TASP1: variants seen among roughly 807,000 people sequenced by gnomAD.
The protein encoded by TASP1 is threonine aspartase 1.
In TASP1, 16 loss-of-function variants were observed where a neutral mutation model predicts 56.6. The observed-to-expected ratio is 0.28, with a 90% CI of 0.19 to 0.43. The LOEUF (loss-of-function observed/expected upper bound fraction) is 0.43. Among genes scored for constraint, TASP1 ranks in the 20% least tolerant of loss-of-function variants. The pLI, the probability that TASP1 is intolerant of heterozygous loss-of-function variation, is 1.00. For missense variants in TASP1, 393 were observed against 511.6 expected, an observed-to-expected ratio of 0.77 and a Z score of 2.24; for synonymous variants, 179 against 184.2, an observed-to-expected ratio of 0.97 and a Z score of 0.23.
At chr20:13,582,942 C>T (rs1051178497) in intron 5 of TASP1, among the ~76,000 whole-genome samples, 5 of 152,164 alleles carry the variant, frequency 3.3e-5, no homozygotes, top group African/African-American at 7.2e-5. Flanking sequence ...TGTTGTCTTG[C>T]GCACCAGGCT....
intron 8 of TASP1, among the ~76,000 whole-genome samples, chr20:13,538,547 T>C (rs1356987546): frequency 5.9e-5 from 9 of 152,136 alleles, no homozygotes; most frequent in Admixed American, 1.3e-4. Flanking sequence ...GAGCTTCCAC[T>C]TGAGAAATGC....
the TASP1 span, among the ~76,000 whole-genome samples, chr20:13,196,591 G>A: frequency 6.6e-6 from 1 of 152,128 alleles, no homozygotes; most frequent in Non-Finnish European, 1.5e-5. Context: ...TGCCATCTAT[G>A]TGAAATATAG....
At chr20:13,479,851 T>C (rs1436955702) in intron 11 of TASP1, among the ~76,000 whole-genome samples, 1 of 152,206 alleles carries the variant, frequency 6.6e-6, no homozygotes, top group African/African-American at 2.4e-5. Flanking sequence ...GGATCAAATA[T>C]AATTTTGGAG....
intron 4 of TASP1, among the ~76,000 whole-genome samples, chr20:13,602,288 A>C (rs2047991913): frequency 6.6e-6 from 1 of 152,164 alleles, no homozygotes; most frequent in Admixed American, 6.5e-5. Flanking sequence ...GTCACAAAAA[A>C]CAAGGAAAGT....
the TASP1 span, among the ~76,000 whole-genome samples, chr20:13,294,180 A>G: frequency 1.3e-5 from 2 of 152,246 alleles, no homozygotes; most frequent in African/African-American, 4.8e-5. Context: ...TTGCCAGATT[A>G]TATCTTAATT....
chr20:13,618,126 C>T (rs571845216), intron 4 of TASP1, among the ~76,000 whole-genome samples: 159 of 152,096 alleles, frequency 1.0e-3, no homozygotes, highest in African/African-American at 3.6e-3. Flanking sequence ...AAATGAAGAG[C>T]TAGCTGGGCA....
intron 11 of TASP1, among the ~76,000 whole-genome samples, chr20:13,450,576 T>C (rs2043580880): frequency 1.3e-5 from 2 of 152,058 alleles, no homozygotes; most frequent in Admixed American, 6.6e-5. Context: ...TCTTTGCTCA[T>C]CCACAGAAGC....
chr20:13,281,506 T>C, the TASP1 span, among the ~76,000 whole-genome samples: 1 of 152,220 alleles, frequency 6.6e-6, no homozygotes. Context: ...CTGAAGCAGA[T>C]ACTGCACTTT....
chr20:13,591,776 G>A (rs142923949), intron 4 of TASP1, among the ~76,000 whole-genome samples: 37 of 152,216 alleles, frequency 2.4e-4, no homozygotes, highest in African/African-American at 8.2e-4. Flanking sequence ...ATATACAGGT[G>A]CAAACTATAG....
intron 9 of TASP1, among the ~76,000 whole-genome samples, chr20:13,531,748 C>T (rs754362785): frequency 3.3e-5 from 5 of 152,196 alleles, no homozygotes; most frequent in Admixed American, 1.3e-4. Flanking sequence ...ACTGCAACCT[C>T]TGCCTCCCAG....
At chr20:13,261,127 A>G in the TASP1 span, among the ~76,000 whole-genome samples, 2 of 152,212 alleles carry the variant, frequency 1.3e-5, no homozygotes, top group African/African-American at 4.8e-5. Context: ...AAGAAGCTCA[A>G]AGAAGGCCAG....
the TASP1 span, among the ~76,000 whole-genome samples, chr20:13,360,624 C>T: frequency 1.3e-5 from 2 of 152,104 alleles, no homozygotes; most frequent in African/African-American, 2.4e-5. Flanking sequence ...TTAATACTTT[C>T]AGAGGCCCTC....
intron 6 of TASP1, among the ~76,000 whole-genome samples, chr20:13,576,138 A>G (rs1437950614): frequency 1.4e-5 from 2 of 143,776 alleles, no homozygotes; most frequent in Non-Finnish European, 3.0e-5. Context: ...GGAAGCAGAG[A>G]CTGCAGCGAG....
rs559206488 is a variant in TASP1, at chr20:13,484,330, T to A, written c.875-993A>T. Among the ~76,000 whole-genome samples the A allele has an allele frequency of 5.9e-5, 9 of 152,304 alleles. No individual in the cohort carries two copies. The East Asian group carries it at 1.5e-3, about 26-fold the overall frequency. On this transcript the variant is annotated intron_variant, in intron 10 of 13. Coordinates refer to ENST00000337743, the MANE Select transcript of TASP1 (RefSeq NM_017714.3). ...AGGTATATATTCCAAGGATTATAAATCATTCTACTATAAAGACACATGCAC... is the reference window on the plus strand; with the variant it reads ...AGGTATATATTCCAAGGATTATAAAACATTCTACTATAAAGACACATGCAC...
chr20:13,314,171 G>C, the TASP1 span, among the ~76,000 whole-genome samples: 12 of 152,016 alleles, frequency 7.9e-5, no homozygotes, highest in Admixed American at 2.6e-4. Context: ...CACATAATGG[G>C]AATACAAGAA....
intron 8 of TASP1, among the ~76,000 whole-genome samples, chr20:13,537,607 T>C (rs1364215628): frequency 2.0e-5 from 3 of 152,168 alleles, no homozygotes; most frequent in African/African-American, 4.8e-5. Context: ...TTAAAAAATA[T>C]ATGCACTACA....
At chr20:13,348,416 T>A in the TASP1 span, among the ~76,000 whole-genome samples, 1 of 152,342 alleles carries the variant, frequency 6.6e-6, no homozygotes, top group South Asian at 2.1e-4. Flanking sequence ...CCCTTGGCAC[T>A]CTTTGGAACC....
At chr20:13,265,888 A>G in the TASP1 span, among the ~76,000 whole-genome samples, 3,210 of 152,214 alleles carry the variant, frequency 0.021, 118 homozygotes, top group African/African-American at 0.071. Context: ...TGATAGCTCC[A>G]TAATACTATC....
Position 13,610,087 on chromosome 20 carries a change from T to A in TASP1, c.282+13359A>T, listed in dbSNP as rs538653943. Among the ~76,000 whole-genome samples, 73 of 152,254 alleles carry A rather than the reference T, an allele frequency of 4.8e-4. 2 individuals are homozygous for A. In the South Asian group the frequency reaches 0.015, roughly 30 times the overall value. On this transcript the variant is annotated intron_variant, in intron 4 of 13. Transcript: ENST00000337743. ...GGTAAATCCATGGACAGAAAGCAGA[T>A]GGGTGGTCCACAAGGGGGAAAGGAT...
Sources: allele counts gnomAD v4.1 joint callset (sites outside exome capture counted in the v4.1 genomes callset), GRCh38; gene constraint gnomAD v4.1.1; transcripts MANE v1.5; gene names NCBI Gene and HGNC (gene_info 2026-07-23, HGNC 2026-07-21).